MEGF11: variants seen among roughly 807,000 people sequenced by gnomAD.
MEGF11 encodes the protein multiple EGF like domains 11.
A neutral mutation model predicts 146.6 loss-of-function variants in MEGF11; 126 were observed. The observed-to-expected ratio is 0.86, with a 90% CI of 0.74 to 1.00. The LOEUF is 1.00. Ranked by LOEUF, MEGF11 falls within the 50% of genes least tolerant of loss-of-function variation. The probability of loss-of-function intolerance (pLI) is 0.00; values close to 1 mark genes in which losing one functional copy is unlikely to be tolerated. For missense variants in MEGF11, 1,509 were observed against 1,521.2 expected (o/e 0.99, Z 0.13); for synonymous variants, 532 against 583.4 (o/e 0.91, Z 1.27).
chr15:66,217,633 C>A (rs2091619888), intron 1 of MEGF11, among the ~76,000 whole-genome samples: 2 of 152,236 alleles, frequency 1.3e-5, no homozygotes, highest in African/African-American at 4.8e-5. Context: ...TTTTCATGGC[C>A]AAGATGGAGA....
At chr15:66,166,053 A>G (rs2090088261) in intron 1 of MEGF11, among the ~76,000 whole-genome samples, 1 of 152,130 alleles carries the variant, frequency 6.6e-6, no homozygotes, top group Non-Finnish European at 1.5e-5. Context: ...TTTAAATGTC[A>G]TCAGACGGTG....
Position 65,993,723 on chromosome 15 carries a change from G to A in MEGF11, c.395-11235C>T, listed in dbSNP as rs182089598. 7.0e-4 allele frequency among the ~76,000 whole-genome samples: 107 copies of A among 152,342 alleles called. 1 individual carries two copies. The highest frequency in any genetic ancestry group is 1.7e-3 in the African/African-American group (72 of 41,576). On this transcript the variant is annotated intron_variant, in intron 5 of 25. Coordinates refer to ENST00000395614, the MANE Select transcript of MEGF11 (RefSeq NM_001385028.1). ...TTTCCCAGCCATGTAGGCTCTGAGG[G>A]AAATGAATTCACAGTCGGAGTGGGC...
At position 66,036,332 on chromosome 15, in the gene MEGF11, A is replaced by G. The variant is rs114487551; in HGVS notation, c.395-53844T>C. Among the ~76,000 whole-genome samples the G allele has an allele frequency of 4.1e-3, 629 of 152,328 alleles. 4 individuals are homozygous for G. The highest frequency in any genetic ancestry group is 0.015 in the African/African-American group (604 of 41,562). Reference sequence around the variant, plus strand: ...TCTCCCTCCCAAAGAAGCTCCCTGCACACTGGTTCTGCCTTTGGGAACCCA... The same window carrying G: ...TCTCCCTCCCAAAGAAGCTCCCTGCGCACTGGTTCTGCCTTTGGGAACCCA... On this transcript the variant is annotated intron_variant, in intron 5 of 25. Coordinates refer to ENST00000395614, the MANE Select transcript of MEGF11 (RefSeq NM_001385028.1).
At chr15:66,013,269 C>A (rs1473718356) in intron 5 of MEGF11, among the ~76,000 whole-genome samples, 2 of 152,206 alleles carry the variant, frequency 1.3e-5, no homozygotes, top group African/African-American at 4.8e-5. Context: ...CCTTGGTGAG[C>A]CAGCCCTGTC....
At chr15:66,148,259 A>G (rs1277588335) in intron 1 of MEGF11, among the ~76,000 whole-genome samples, 1 of 152,206 alleles carries the variant, frequency 6.6e-6, no homozygotes, top group Non-Finnish European at 1.5e-5. Context: ...CTAGGAAAAA[A>G]AAACATTTAA....
chr15:65,930,956 G>A lies in MEGF11; in HGVS notation c.1288-13C>T, dbSNP rs1421254523. On this transcript the variant is annotated splice_polypyrimidine_tract_variant and intron_variant, in intron 10 of 25. Coordinates refer to ENST00000395614, the MANE Select transcript of MEGF11 (RefSeq NM_001385028.1). ...CACAGACCTCTCCCTGGAAAGGGAG[G>A]GGGTGAATTTTGGATCAAAGGTTGC... 1 of 1,567,386 alleles carries A rather than the reference G, an allele frequency of 6.4e-7. No individual in the cohort carries two copies. Among genetic ancestry groups the A allele is most frequent in the Non-Finnish European group, 8.7e-7 (1 of 1,150,660 alleles).
At chr15:66,217,765 A>G (rs1182264824) in intron 1 of MEGF11, among the ~76,000 whole-genome samples, 1 of 152,216 alleles carries the variant, frequency 6.6e-6, no homozygotes, top group Non-Finnish European at 1.5e-5. Context: ...CTGTCCACAC[A>G]GCCAGTCCCT....
At chr15:66,136,371 C>A (rs1282530696) in intron 1 of MEGF11, among the ~76,000 whole-genome samples, 1 of 152,148 alleles carries the variant, frequency 6.6e-6, no homozygotes, top group Admixed American at 6.5e-5. Context: ...CACACTAGGA[C>A]AGGGTCTCTC....
chr15:65,924,721 G>C (rs1250454520), intron 13 of MEGF11, among the ~76,000 whole-genome samples: 1 of 148,846 alleles, frequency 6.7e-6, no homozygotes, highest in African/African-American at 2.5e-5. Flanking sequence ...CTCTGCATCC[G>C]GGGTTCAAGC....
intron 5 of MEGF11, among the ~76,000 whole-genome samples, chr15:65,985,474 T>C (rs531901944): frequency 3.9e-5 from 6 of 152,156 alleles, no homozygotes; most frequent in Non-Finnish European, 8.8e-5. Flanking sequence ...CTGCAGTTAC[T>C]GCCCTGAGAC....
rs3221608 is a variant in MEGF11 at position 66,160,664 on chromosome 15, G to GACACACACACACACAC, written c.-8-32269_-8-32254dup. 1.4e-4 allele frequency among the ~76,000 whole-genome samples: 19 copies of GACACACACACACACAC among 137,612 alleles called. No individual in the cohort carries two copies. The East Asian group carries it at 2.5e-3, about 18-fold the overall frequency. 90.3% of individuals were successfully genotyped at this position (137,612 alleles called of 152,430 possible). ...CAGGCACTGCTCTAGGCCCTAAGGG[G>GACACACACACACACAC]ACACACACACACACACACACACACA... On this transcript the variant is annotated intron_variant, in intron 1 of 25. Transcript: ENST00000395614.
chr15:66,220,073 G>A (rs562359384), intron 1 of MEGF11, among the ~76,000 whole-genome samples: 11 of 152,116 alleles, frequency 7.2e-5, no homozygotes, highest in African/African-American at 1.4e-4. Context: ...AGAAGGCCAC[G>A]TGAAGACCAT....
rs2089056804 is a variant in MEGF11, at chr15:66,139,698, T to A, written c.-8-11287A>T. On this transcript the variant is annotated intron_variant, in intron 1 of 25. Coordinates refer to ENST00000395614, the MANE Select transcript of MEGF11 (RefSeq NM_001385028.1). ...GGAGCAACTGAAGCCTGTGCTTCCA[T>A]TAAGAGAATTATCAATCAATTCTGT... Among the ~76,000 whole-genome samples, 3 of 152,288 alleles carry A rather than the reference T, an allele frequency of 2.0e-5. No homozygotes were observed. In the South Asian group the frequency reaches 6.2e-4, roughly 32 times the overall value.
intron 17 of MEGF11, 141 bp from the exon 18 acceptor site, chr15:65,916,417 C>T (rs2078999376): frequency 8.0e-6 from 9 of 1,127,846 alleles, no homozygotes; most frequent in South Asian, 3.2e-5. Context: ...GAGTTGTCTC[C>T]CTGCTCAGGA....
chr15:66,116,141 C>T (rs562313520), intron 4 of MEGF11, among the ~76,000 whole-genome samples: 3 of 152,160 alleles, frequency 2.0e-5, no homozygotes, highest in South Asian at 2.1e-4. Flanking sequence ...CCACCCCTGA[C>T]GGCGTCATTG....
chr15:65,962,158 T>C (rs1008572930), intron 9 of MEGF11, among the ~76,000 whole-genome samples: 1 of 152,182 alleles, frequency 6.6e-6, no homozygotes, highest in African/African-American at 2.4e-5. Context: ...TTTGCTTTTC[T>C]TGAATCTCAA....
At chr15:66,008,570 T>C (rs920631950) in intron 5 of MEGF11, among the ~76,000 whole-genome samples, 6 of 152,110 alleles carry the variant, frequency 3.9e-5, no homozygotes, top group Admixed American at 3.3e-4. Flanking sequence ...ATGCCTATAA[T>C]CCCAGTACTT....
intron 10 of MEGF11, among the ~76,000 whole-genome samples, chr15:65,944,898 GT>G (rs35017817): frequency 0.12 from 16,467 of 134,168 alleles, 727 homozygotes; most frequent in Non-Finnish European, 0.15. Context: ...AAACTCTCAG[GT>G]TTTTTTTTTT....
Position 66,059,044 on chromosome 15 carries a change from C to G in MEGF11, c.394+35358G>C, listed in dbSNP as rs536875364. Among the ~76,000 whole-genome samples, 4 of 152,236 alleles carry G rather than the reference C, an allele frequency of 2.6e-5. No individual in the cohort carries two copies. In the South Asian group the frequency reaches 8.3e-4, roughly 32 times the overall value. ...AGTCTGGGGGTGAGTAGGTCAGGGC[C>G]CCGTCATCAAACCCCAGTGACTGTT... is the stretch of plus-strand genomic sequence containing the variant. On this transcript the variant is annotated intron_variant, in intron 5 of 25. Transcript: ENST00000395614.
Sources: allele counts gnomAD v4.1 joint callset (sites outside exome capture counted in the v4.1 genomes callset), GRCh38; gene constraint gnomAD v4.1.1; transcripts MANE v1.5; gene names NCBI Gene and HGNC (gene_info 2026-07-23, HGNC 2026-07-21).